The following SYNC variants were observed in gnomAD, a reference collection of about 807,000 sequenced individuals.
The protein encoded by SYNC is syncoilin, intermediate filament protein.
In SYNC, 38 loss-of-function variants were observed where a neutral mutation model predicts 49.5. The observed-to-expected ratio is 0.77, with a 90% CI of 0.59 to 1.01. The LOEUF (loss-of-function observed/expected upper bound fraction) is 1.01. Among genes scored for constraint, SYNC ranks in the 50% least tolerant of loss-of-function variants. The pLI, the probability that SYNC is intolerant of heterozygous loss-of-function variation, is 0.00. For synonymous variants in SYNC, 201 were observed against 230.8 expected (o/e 0.87, Z 1.17); for missense variants, 579 against 580.6 (o/e 1.00, Z 0.03).
chr1:32,700,075 C>T (rs991828731), intron 1 of SYNC, among the ~76,000 whole-genome samples: 9 of 152,146 alleles, frequency 5.9e-5, no homozygotes, highest in African/African-American at 1.9e-4. Context: ...ATTCCTGCAA[C>T]CCACCCAATG....
rs1396301127 is a variant in SYNC, at chr1:32,702,190, A to G, written c.53+418T>C. ...AAGCCCTGACAGACTCTTAACTTCA[A>G]GCTGGCAGATGCCCAGCCTTGCACC... On this transcript the variant is annotated intron_variant, in intron 1 of 4. Coordinates refer to ENST00000409190, the MANE Select transcript of SYNC (RefSeq NM_030786.3). This position sits in a 1 kb window ranked among gnomAD's most constrained non-coding sequence, Gnocchi z 6.2. Among the ~76,000 whole-genome samples, 1 of 152,222 alleles carries G rather than the reference A, an allele frequency of 6.6e-6. No homozygotes were observed. The highest frequency in any genetic ancestry group is 2.4e-5 in the African/African-American group (1 of 41,466).
At chr1:32,696,382 T>G (rs1287201305) in intron 1 of SYNC, among the ~76,000 whole-genome samples, 1 of 152,052 alleles carries the variant, frequency 6.6e-6, no homozygotes, top group African/African-American at 2.4e-5. Context: ...TAGCGTGATG[T>G]CGGCTCACTG....
At position 32,702,448 on chromosome 1, in the gene SYNC, A is replaced by T. The variant is rs540614399; in HGVS notation, c.53+160T>A. Among the ~76,000 whole-genome samples, 1 of 150,158 alleles carries T rather than the reference A, an allele frequency of 6.7e-6. No individual in the cohort carries two copies. The stretch of plus-strand genomic sequence containing the variant: ...GGTGCCAGGACCCCGGGACGGCCCG[A>T]CTCCCCGATGTCCCCTCACGAGGCG... On this transcript the variant is annotated intron_variant, in intron 1 of 4. Coordinates refer to ENST00000409190, the MANE Select transcript of SYNC (RefSeq NM_030786.3). This position sits in a 1 kb window ranked among gnomAD's most constrained non-coding sequence, Gnocchi z 6.2.
Position 32,684,373 on chromosome 1 carries a change from C to G in SYNC, c.1243G>C (p.Glu415Gln), listed in dbSNP as rs780268268. The G allele has an allele frequency of 6.2e-7, 1 of 1,614,160 alleles. No individual in the cohort carries two copies. The change falls in exon 3 of 5, where the codon GAG becomes CAG. Residue 415 changes from glutamate to glutamine, a missense_variant. Transcript: ENST00000409190. ...EEVQQYREQL[E>Q]EMEERQRQLR... The stretch of plus-strand genomic sequence containing the variant: ...TGCCTCTGGCGTTCTTCCATTTCCT[C>G]CAGCTGTTCCTGCATGAGATGGCCA...
chr1:32,681,974 T>G, intron 4 of SYNC, 114 bp from the exon 5 acceptor site: 1 of 924,760 alleles, frequency 1.1e-6, no homozygotes, highest in Non-Finnish European at 1.7e-6. Flanking sequence ...GGGATGACTT[T>G]CCCCTAGCAA....
At position 32,694,904 on chromosome 1, in the gene SYNC, A is replaced by T. The variant is rs111277699; in HGVS notation, c.1194T>A (p.Leu398=). The T allele has an allele frequency of 6.2e-7, 1 of 1,611,252 alleles. No homozygotes were observed. The highest frequency in any genetic ancestry group is 2.2e-5 in the East Asian group (1 of 44,838). The change falls in exon 2 of 5, where the codon CTT becomes CTA. Residue 398 remains leucine (L), a synonymous_variant. Coordinates refer to ENST00000409190, the MANE Select transcript of SYNC (RefSeq NM_030786.3). ...QNRNLEDQIA[L]VRQKRDEEVQ... is the part of the protein sequence containing the mutation. ...CCTCTTCATCTCGTTTTTGCCTCAC[A>T]AGTGCGATCTGGTCCTCCAGGTTCC...
Position 32,694,854 on chromosome 1 carries a change from A to G in SYNC, c.1233+11T>C. 1 of 1,556,350 alleles carries G rather than the reference A, an allele frequency of 6.4e-7. No individual in the cohort carries two copies. The highest frequency in any genetic ancestry group is 8.7e-7 in the Non-Finnish European group (1 of 1,154,548). ...AAAGACCTCAGTTCTTTTCATGCCC[A>G]ATGGGCCTACCCTGTACTGCTGCAC... On this transcript the variant is annotated intron_variant, in intron 2 of 4. Coordinates refer to ENST00000409190, the MANE Select transcript of SYNC (RefSeq NM_030786.3).
chr1:32,686,733 T>C (rs868370487), intron 2 of SYNC, among the ~76,000 whole-genome samples: 1 of 152,182 alleles, frequency 6.6e-6, no homozygotes, highest in Admixed American at 6.6e-5. Context: ...TGCAACCCTA[T>C]GGATATGGGA....
At chr1:32,684,632 T>C (rs1028684950) in intron 2 of SYNC, 2 of 473,806 alleles carry the variant, frequency 4.2e-6, no homozygotes, top group Non-Finnish European at 7.5e-6. Flanking sequence ...AATAGAATCC[T>C]GGGAGGGTGA....
chr1:32,684,179 A>G (rs1048038151), intron 3 of SYNC, 79 bp downstream of exon 3: 16 of 1,605,326 alleles, frequency 1.0e-5, no homozygotes, highest in Non-Finnish European at 1.3e-5. Context: ...TTTTGATTCT[A>G]AGGTAAAATT....
chr1:32,696,639 G>C (rs1650444485), intron 1 of SYNC, among the ~76,000 whole-genome samples: 1 of 152,052 alleles, frequency 6.6e-6, no homozygotes, highest in Admixed American at 6.6e-5. Flanking sequence ...TAGTGGAGAT[G>C]GGGTTTCACC....
intron 2 of SYNC, among the ~76,000 whole-genome samples, chr1:32,687,486 C>T (rs999258281): frequency 2.0e-5 from 3 of 151,738 alleles, no homozygotes; most frequent in Non-Finnish European, 2.9e-5. Flanking sequence ...TCCCGGCCAA[C>T]GTGGTGAAAC....
intron 2 of SYNC, chr1:32,686,124 C>T (rs992303659): frequency 2.0e-5 from 3 of 152,150 alleles, no homozygotes; most frequent in African/African-American, 7.2e-5. Flanking sequence ...TAAGACAGCA[C>T]ACAAAATGTA....
At chr1:32,701,167 G>A (rs569599178) in intron 1 of SYNC, among the ~76,000 whole-genome samples, 41 of 152,150 alleles carry the variant, frequency 2.7e-4, no homozygotes, top group African/African-American at 6.5e-4. Flanking sequence ...CGCACACCTC[G>A]GCGTCCCAAA....
intron 2 of SYNC, among the ~76,000 whole-genome samples, chr1:32,687,861 A>ATTATTATTATTATTATTTTTT (rs1280120903): frequency 1.4e-5 from 2 of 146,438 alleles, no homozygotes; most frequent in African/African-American, 2.5e-5. Context: ...TATTATTATT[A>ATTATTATTATTATTATTTTTT]TTTTTTGAGA....
chr1:32,702,656 G>T lies in SYNC; in HGVS notation c.5C>A (p.Ala2Asp). 1.8e-5 allele frequency: 21 copies of T among 1,199,166 alleles called. No homozygotes were observed. Among genetic ancestry groups the T allele is most frequent in the Non-Finnish European group, 2.2e-5 (21 of 967,486 alleles). The allele number at this position is 1,199,166 out of a possible 1,614,324, so 74.3% of individuals were successfully genotyped here. The change falls in exon 1 of 5, where the codon GCC becomes GAC. Residue 2 changes from alanine to aspartate, a missense_variant. By Grantham distance (126) the Ala-to-Asp change is moderately radical. Transcript: ENST00000409190. The surrounding 1 kb of genome is among the most constrained non-coding windows in gnomAD (Gnocchi z 6.2). Reference sequence around the variant, plus strand: ...CCCGCCGCGCCGGGGCTCCGGGCTGGCCATGGCTGCGCGACCCCGGGCTGG... The same window carrying T: ...CCCGCCGCGCCGGGGCTCCGGGCTGTCCATGGCTGCGCGACCCCGGGCTGG... M[A>D]SPEPRRGGDG...
rs1052374544 is a variant in SYNC at position 32,681,406 on chromosome 1, T to C, written c.*444A>G. On this transcript the variant is annotated 3_prime_UTR_variant, in exon 5 of 5. Transcript: ENST00000409190. ...CACTCGTGGCACAAAAGAATGGAAA[T>C]TGTAAACCCATGTAATGGAAATTGG... 1.2e-5 allele frequency: 2 copies of C among 167,332 alleles called. No individual in the cohort carries two copies. The highest frequency in any genetic ancestry group is 2.6e-5 in the Non-Finnish European group (2 of 78,196). The allele number at this position is 167,332 out of a possible 1,614,324, so 10.4% of individuals were successfully genotyped here. A position where few individuals can be genotyped will look rare whatever the true frequency, so the allele number is the denominator to read the frequency against.
chr1:32,695,316 T>C lies in SYNC; in HGVS notation c.782A>G (p.Glu261Gly). The change falls in exon 2 of 5, where the codon GAG becomes GGG. Residue 261 changes from glutamate to glycine, a missense_variant. By Grantham distance (98) the Glu-to-Gly change is moderately conservative (BLOSUM62 -2). Coordinates refer to ENST00000409190, the MANE Select transcript of SYNC (RefSeq NM_030786.3). ...CTGAGCCACGTCCTGCTGGCGGCAC[T>C]CCAGCTGGTATTGGTAGGCCACACA... The part of the protein sequence containing the change: ...KECVAYQYQL[E>G]CRQQDVAQFA... 6.4e-7 allele frequency: 1 copy of C among 1,551,670 alleles called. No individual in the cohort carries two copies. The highest frequency in any genetic ancestry group is 8.7e-7 in the Non-Finnish European group (1 of 1,147,042).
intron 1 of SYNC, among the ~76,000 whole-genome samples, chr1:32,697,308 G>A (rs934212573): frequency 2.6e-5 from 4 of 151,182 alleles, no homozygotes; most frequent in Admixed American, 2.6e-4. Context: ...GGGCGTGGTG[G>A]TGCATGCCTG....
Sources: allele counts gnomAD v4.1 joint callset (sites outside exome capture counted in the v4.1 genomes callset), GRCh38; gene constraint gnomAD v4.1.1; non-coding constraint Gnocchi (gnomAD v3.1); transcripts MANE v1.5; gene names NCBI Gene and HGNC (gene_info 2026-07-23, HGNC 2026-07-21).